RBM33: variants seen among roughly 807,000 people sequenced by gnomAD.
RBM33 encodes the protein RNA-binding protein 33.
Under a neutral mutation model 132.6 loss-of-function variants are expected in RBM33, and 28 were observed. The observed-to-expected ratio is 0.21, with a 90% CI of 0.16 to 0.29. RBM33 has a LOEUF of 0.29. Ranked by LOEUF, RBM33 falls within the 10% of genes least tolerant of loss-of-function variation. RBM33 has a pLI of 1.00. For missense variants in RBM33, 1,291 were observed against 1,518.5 expected (o/e 0.85, Z 2.49); for synonymous variants, 634 against 593.0 (o/e 1.07, Z -1.01).
chr7:155,673,788 A>G (rs1486099381), intron 3 of RBM33, among the ~76,000 whole-genome samples: 3 of 148,900 alleles, frequency 2.0e-5, no homozygotes, highest in East Asian at 1.9e-4. Context: ...ACACACACAC[A>G]CACACACACA....
Position 155,691,387 on chromosome 7 carries a change from T to G in RBM33, c.568-9386T>G, listed in dbSNP as rs180885587. Among the ~76,000 whole-genome samples the G allele has an allele frequency of 1.0e-3, 157 of 152,322 alleles. 2 individuals are homozygous for G. The highest frequency in any genetic ancestry group is 4.8e-3 in the Admixed American group (74 of 15,304). ...CATTCGTCTAATCTTTTTTCAAGGT[T>G]TTTAGCTTCTTTGCGATGGGTTCGA... On this transcript the variant is annotated intron_variant, in intron 5 of 17. Transcript: ENST00000401878.
At chr7:155,690,095 G>A (rs1799592028) in intron 5 of RBM33, among the ~76,000 whole-genome samples, 1 of 152,174 alleles carries the variant, frequency 6.6e-6, no homozygotes, top group African/African-American at 2.4e-5. Flanking sequence ...TTATTATTGT[G>A]TGGGAGTCTA....
Position 155,780,786 on chromosome 7 carries a change from C to CTCTCA in RBM33, c.*5745_*5746insTCTCA, listed in dbSNP as rs372558938. Reference sequence around the variant, plus strand: ...GATTTTCACACTGTGTTTACCACTCCATCACCTCTCAACCTTTGCTTCGAC... The same window carrying CTCTCA: ...GATTTTCACACTGTGTTTACCACTCCTCTCAATCACCTCTCAACCTTTGCTTCGAC... On this transcript the variant is annotated 3_prime_UTR_variant, in exon 18 of 18. Transcript: ENST00000401878. 1 of 152,488 alleles carries CTCTCA rather than the reference C, an allele frequency of 6.6e-6. No individual in the cohort carries two copies. Among genetic ancestry groups the CTCTCA allele is most frequent in the Non-Finnish European group, 1.5e-5 (1 of 68,080 alleles). The allele number at this position is 152,488 out of a possible 1,614,324, so 9.4% of individuals were successfully genotyped here. A position where few individuals can be genotyped will look rare whatever the true frequency, so the allele number is the denominator to read the frequency against.
intron 13 of RBM33, among the ~76,000 whole-genome samples, chr7:155,742,573 A>G (rs1027313677): frequency 6.6e-6 from 1 of 152,186 alleles, no homozygotes; most frequent in Non-Finnish European, 1.5e-5. Context: ...ATGTGCTGAC[A>G]CCTGGTGAAT....
In RBM33 at chr7:155,661,146, A is replaced by ATATATTTTTTTTTT. The variant is rs1421586760; in HGVS notation, c.44-4028_44-4027insATATTTTTTTTTTT. Among the ~76,000 whole-genome samples, 13 of 81,182 alleles carry ATATATTTTTTTTTT rather than the reference A, an allele frequency of 1.6e-4. 1 individual carries two copies. The highest frequency in any genetic ancestry group is 2.6e-4 in the Non-Finnish European group (10 of 39,080). 53.3% of individuals were successfully genotyped at this position (81,182 alleles called of 152,430 possible). ...TGTGTGTGTGTATATATATATATAT[A>ATATATTTTTTTTTT]TTTTTTTTTTTTTGAGACAGAGTCT... On this transcript the variant is annotated intron_variant, in intron 1 of 17. Transcript: ENST00000401878.
chr7:155,765,134 C>T (rs1032210262), intron 15 of RBM33, among the ~76,000 whole-genome samples: 23 of 152,170 alleles, frequency 1.5e-4, no homozygotes, highest in African/African-American at 5.3e-4. Context: ...AATGTAAATG[C>T]TCCTGTGACT....
At chr7:155,759,208 T>G (rs1312135595) in intron 14 of RBM33, among the ~76,000 whole-genome samples, 1 of 152,226 alleles carries the variant, frequency 6.6e-6, no homozygotes, top group Admixed American at 6.5e-5. Context: ...TTGTAATACC[T>G]GTATTTCTGA....
chr7:155,645,110 C>A, intron 1 of RBM33, 191 bp downstream of exon 1: 1 of 506,338 alleles, frequency 2.0e-6, no homozygotes, highest in Non-Finnish European at 3.5e-6. Flanking sequence ...TCCTCCTCTC[C>A]GCTGTGCAGA....
chr7:155,712,054 T>A (rs1800320350), intron 8 of RBM33, among the ~76,000 whole-genome samples: 1 of 152,206 alleles, frequency 6.6e-6, no homozygotes, highest in Non-Finnish European at 1.5e-5. Context: ...GAGTGGAAAG[T>A]GCTGAGAGTA....
intron 14 of RBM33, among the ~76,000 whole-genome samples, chr7:155,748,725 G>T (rs1801598396): frequency 6.6e-6 from 1 of 151,714 alleles, no homozygotes; most frequent in Non-Finnish European, 1.5e-5. Context: ...GATTTTCCTT[G>T]GTCCTTGTCA....
intron 3 of RBM33, among the ~76,000 whole-genome samples, chr7:155,675,559 A>G (rs1799160023): frequency 6.6e-6 from 1 of 152,052 alleles, no homozygotes; most frequent in African/African-American, 2.4e-5. Context: ...AGGAGAGGGC[A>G]GTATCGTTTA....
At chr7:155,675,286 T>A (rs543099948) in intron 3 of RBM33, among the ~76,000 whole-genome samples, 150 of 125,286 alleles carry the variant, frequency 1.2e-3, no homozygotes, top group African/African-American at 5.0e-3. Context: ...GGAGTGAGAC[T>A]CCGTCTCAAA....
At chr7:155,711,005 G>A (rs1800270151) in intron 7 of RBM33, among the ~76,000 whole-genome samples, 198 bp from the exon 8 acceptor site, 1 of 150,954 alleles carries the variant, frequency 6.6e-6, no homozygotes, top group Non-Finnish European at 1.5e-5. Context: ...AGCCCTCATT[G>A]TGAAGAAGTA....
intron 14 of RBM33, chr7:155,746,507 A>G (rs1016363082): frequency 2.0e-5 from 3 of 152,248 alleles, no homozygotes; most frequent in Non-Finnish European, 4.4e-5. Context: ...TCAGTCAGGC[A>G]CAGGAAGTGC....
intron 16 of RBM33, among the ~76,000 whole-genome samples, chr7:155,770,006 T>C (rs1802364146): frequency 6.6e-6 from 1 of 152,036 alleles, no homozygotes; most frequent in Non-Finnish European, 1.5e-5. Context: ...GTCTGTGCTT[T>C]AGAGGAGAAG....
chr7:155,722,619 G>A (rs536614280), intron 9 of RBM33, among the ~76,000 whole-genome samples: 15 of 152,176 alleles, frequency 9.9e-5, no homozygotes, highest in African/African-American at 3.6e-4. Flanking sequence ...TGTCCTCAGA[G>A]AGTTTTTTGT....
At chr7:155,692,313 A>G (rs1799667137) in intron 5 of RBM33, among the ~76,000 whole-genome samples, 1 of 152,210 alleles carries the variant, frequency 6.6e-6, no homozygotes, top group Non-Finnish European at 1.5e-5. Context: ...TAACATTGTC[A>G]GGAGACAGTT....
At chr7:155,769,060 A>G (rs1197021876) in intron 16 of RBM33, among the ~76,000 whole-genome samples, 1 of 152,220 alleles carries the variant, frequency 6.6e-6, no homozygotes, top group Non-Finnish European at 1.5e-5. Context: ...AGTCCATTTC[A>G]AAGACATTTA....
chr7:155,652,047 G>A (rs1282235357), intron 1 of RBM33, among the ~76,000 whole-genome samples: 2 of 152,184 alleles, frequency 1.3e-5, no homozygotes, highest in African/African-American at 4.8e-5. Flanking sequence ...CACTTCGAAA[G>A]TTATTGGACA....
Sources: allele counts gnomAD v4.1 joint callset (sites outside exome capture counted in the v4.1 genomes callset), GRCh38; gene constraint gnomAD v4.1.1; transcripts MANE v1.5; gene names NCBI Gene and HGNC (gene_info 2026-07-23, HGNC 2026-07-21).